MYRIP: variants seen among roughly 807,000 people sequenced by gnomAD.
MYRIP encodes the protein myosin VIIA and Rab interacting protein.
Under a neutral mutation model 98.0 loss-of-function variants are expected in MYRIP, and 49 were observed. The observed-to-expected ratio is 0.50, with a 90% CI of 0.40 to 0.63. The LOEUF (loss-of-function observed/expected upper bound fraction) is 0.63, where lower values mean the gene tolerates loss of function less well. MYRIP is among the 30% of genes least tolerant of loss of function. The pLI is 0.00. For synonymous variants in MYRIP, 404 were observed against 409.5 expected, an observed-to-expected ratio of 0.99 and a Z score of 0.16; for missense variants, 1,004 against 1,058.2, an observed-to-expected ratio of 0.95 and a Z score of 0.71.
intron 1 of MYRIP, among the ~76,000 whole-genome samples, chr3:39,871,155 C>A (rs67866165): frequency 6.6e-6 from 1 of 152,030 alleles, no homozygotes; most frequent in East Asian, 1.9e-4. Flanking sequence ...GAAGCAGATA[C>A]CTTTGGGAGA....
At chr3:39,970,767 G>T (rs981496279) in intron 2 of MYRIP, among the ~76,000 whole-genome samples, 5 of 152,072 alleles carry the variant, frequency 3.3e-5, no homozygotes, top group African/African-American at 1.2e-4. Flanking sequence ...TAATAACATT[G>T]TGAGTAGTAA....
At chr3:40,009,244 T>C (rs1469925163) in intron 2 of MYRIP, among the ~76,000 whole-genome samples, 3 of 151,224 alleles carry the variant, frequency 2.0e-5, no homozygotes, top group Non-Finnish European at 3.0e-5. Flanking sequence ...CTTCTTTTTT[T>C]TTTTTTTTTT....
At chr3:40,068,786 AT>A (rs1206674819) in intron 3 of MYRIP, among the ~76,000 whole-genome samples, 1 of 152,180 alleles carries the variant, frequency 6.6e-6, no homozygotes, top group Non-Finnish European at 1.5e-5. Context: ...TGTCATTTAT[AT>A]TTTAGCATGT....
intron 2 of MYRIP, among the ~76,000 whole-genome samples, chr3:39,968,839 A>G (rs1945507610): frequency 6.6e-6 from 1 of 152,084 alleles, no homozygotes; most frequent in Non-Finnish European, 1.5e-5. Flanking sequence ...ATTTTAAAAT[A>G]GTTGTTTTCT....
chr3:40,053,540 G>T (rs1947831302), intron 3 of MYRIP, among the ~76,000 whole-genome samples: 1 of 152,146 alleles, frequency 6.6e-6, no homozygotes, highest in Non-Finnish European at 1.5e-5. Flanking sequence ...TGTCTTTTCA[G>T]ATGAGTTGTT....
At chr3:40,044,816 A>G (rs889026753) in intron 3 of MYRIP, among the ~76,000 whole-genome samples, 4 of 152,222 alleles carry the variant, frequency 2.6e-5, no homozygotes, top group Admixed American at 1.3e-4. Flanking sequence ...GACAAGAAAT[A>G]AAAGCAAGAT....
At chr3:39,964,446 T>C (rs535572574) in intron 2 of MYRIP, among the ~76,000 whole-genome samples, 1 of 152,284 alleles carries the variant, frequency 6.6e-6, no homozygotes, top group South Asian at 2.1e-4. Flanking sequence ...TGAGAAGAAA[T>C]CACTTCTCTG....
At chr3:39,838,892 T>G (rs921999194) in intron 1 of MYRIP, among the ~76,000 whole-genome samples, 2 of 152,210 alleles carry the variant, frequency 1.3e-5, no homozygotes, top group African/African-American at 2.4e-5. Context: ...TCAGAACTTG[T>G]TATTGGTCTA....
chr3:40,132,899 C>T (rs1949677592), intron 3 of MYRIP, among the ~76,000 whole-genome samples: 1 of 152,242 alleles, frequency 6.6e-6, no homozygotes, highest in South Asian at 2.1e-4. Flanking sequence ...GTCCAGCCCT[C>T]CTTACTCAGA....
At chr3:39,910,791 T>A (rs1444530602) in intron 2 of MYRIP, among the ~76,000 whole-genome samples, 7 of 152,216 alleles carry the variant, frequency 4.6e-5, no homozygotes, top group African/African-American at 1.7e-4. Flanking sequence ...ACAGTGCTGG[T>A]CTGAAATGCA....
At chr3:39,995,508 C>T (rs2125777198) in intron 2 of MYRIP, among the ~76,000 whole-genome samples, 1 of 152,278 alleles carries the variant, frequency 6.6e-6, no homozygotes, top group African/African-American at 2.4e-5. Context: ...AAGAAACAAA[C>T]AGAGCCTCCA....
At chr3:40,217,580 C>A (rs560507577) in intron 11 of MYRIP, among the ~76,000 whole-genome samples, 3 of 152,188 alleles carry the variant, frequency 2.0e-5, no homozygotes, top group African/African-American at 7.2e-5. Context: ...TGATAAACAA[C>A]CATTTCTGAT....
intron 2 of MYRIP, among the ~76,000 whole-genome samples, chr3:40,033,351 T>A (rs1559372892): frequency 6.6e-6 from 1 of 151,872 alleles, no homozygotes; most frequent in Admixed American, 6.6e-5. Context: ...CTCCTTAAGC[T>A]GATAAGCAAC....
At chr3:39,935,883 G>C (rs1944645382) in intron 2 of MYRIP, among the ~76,000 whole-genome samples, 1 of 152,130 alleles carries the variant, frequency 6.6e-6, no homozygotes, top group African/African-American at 2.4e-5. Context: ...GCTAACATGA[G>C]TCATTTGTGC....
intron 11 of MYRIP, among the ~76,000 whole-genome samples, chr3:40,227,859 T>C (rs1952532951): frequency 6.6e-6 from 1 of 152,176 alleles, no homozygotes; most frequent in Non-Finnish European, 1.5e-5. Flanking sequence ...TTAATCTTCT[T>C]GAAAGCTTCT....
rs147592774 is a variant in MYRIP, at chr3:39,882,175, C to G, written c.-30-18612C>G. ...ATAATGAGTGATGCACTGAAGTCATCCTTTGCAATTTGAAGACCCATGGGT... is the reference window on the plus strand; with the variant it reads ...ATAATGAGTGATGCACTGAAGTCATGCTTTGCAATTTGAAGACCCATGGGT... On this transcript the variant is annotated intron_variant, in intron 1 of 16. Coordinates refer to ENST00000302541, the MANE Select transcript of MYRIP (RefSeq NM_015460.4). 5.9e-3 allele frequency among the ~76,000 whole-genome samples: 892 copies of G among 152,022 alleles called. 3 individuals carry two copies. The highest frequency in any genetic ancestry group is 0.019 in the African/African-American group (803 of 41,482).
At chr3:40,208,386 A>T (rs1951836922) in intron 10 of MYRIP, among the ~76,000 whole-genome samples, 1 of 152,116 alleles carries the variant, frequency 6.6e-6, no homozygotes, top group Non-Finnish European at 1.5e-5. Flanking sequence ...GGGTCCAGTG[A>T]CCCCGATGGT....
chr3:39,924,349 G>A (rs2125693750), intron 2 of MYRIP, among the ~76,000 whole-genome samples: 1 of 152,182 alleles, frequency 6.6e-6, no homozygotes, highest in Non-Finnish European at 1.5e-5. Context: ...TATCTGATAA[G>A]CTAGATTTCA....
At chr3:40,250,576 G>C (rs1185158838) in intron 15 of MYRIP, 77 bp downstream of exon 15, 1 of 1,513,614 alleles carries the variant, frequency 6.6e-7, no homozygotes, top group African/African-American at 1.4e-5. Context: ...AGAGACCTGA[G>C]TTTGAGAATT....
Sources: gnomAD v4.1 joint callset for allele counts (sites outside exome capture counted in the v4.1 genomes callset) on GRCh38, gnomAD v4.1.1 for gene constraint, MANE v1.5 for transcripts, NCBI Gene and HGNC (gene_info 2026-07-23, HGNC 2026-07-21) for gene names.